MELK: variants seen among roughly 807,000 people sequenced by gnomAD.
MELK encodes pEg3 kinase.
A neutral mutation model predicts 85.0 loss-of-function variants in MELK; 81 were observed. The observed-to-expected ratio is 0.95, with a 90% CI of 0.80 to 1.15. The LOEUF (loss-of-function observed/expected upper bound fraction) is 1.15, where lower values mean the gene tolerates loss of function less well. Among genes scored for constraint, MELK ranks in the 50% most tolerant of loss-of-function variants. The probability of loss-of-function intolerance (pLI) is 0.00; values close to 1 mark genes in which losing one functional copy is unlikely to be tolerated. For missense variants in MELK, 754 were observed against 777.5 expected (o/e 0.97, Z 0.36); for synonymous variants, 252 against 265.0 (o/e 0.95, Z 0.48).
chr9:36,584,522 A>C (rs1587324915), intron 3 of MELK, among the ~76,000 whole-genome samples: 1 of 102,172 alleles, frequency 9.8e-6, no homozygotes. Flanking sequence ...TTTAGTAGGG[A>C]TGGGATTTCA....
rs143326056 is a variant in MELK at position 36,634,138 on chromosome 9, T to C, written c.834+938T>C. On this transcript the variant is annotated intron_variant, in intron 10 of 17. Transcript: ENST00000298048. ...TTCCAAACGTTAACACATTTCGTTA[T>C]ACAACATTAAATCACATTCCTTAAA... 1.1e-3 allele frequency among the ~76,000 whole-genome samples: 168 copies of C among 152,372 alleles called. 1 individual carries two copies. The highest frequency in any genetic ancestry group is 3.8e-3 in the African/African-American group (157 of 41,588).
At chr9:36,606,452 CAT>C (rs1194982252) in intron 7 of MELK, among the ~76,000 whole-genome samples, 2 of 116,384 alleles carry the variant, frequency 1.7e-5, no homozygotes, top group African/African-American at 4.2e-5. Context: ...ATAATATATA[CAT>C]ATGTATAGGT....
At chr9:36,662,482 G>A (rs1831953025) in intron 13 of MELK, among the ~76,000 whole-genome samples, 1 of 152,058 alleles carries the variant, frequency 6.6e-6, no homozygotes, top group Non-Finnish European at 1.5e-5. Flanking sequence ...GACCTCAGGT[G>A]ATCCACCTGC....
chr9:36,594,809 C>T (rs757608252), intron 5 of MELK, 38 bp downstream of exon 5: 47 of 1,576,428 alleles, frequency 3.0e-5, no homozygotes, highest in South Asian at 9.5e-5. Context: ...TCACCTTCAG[C>T]GTCATTTACC....
chr9:36,676,823 C>T (rs142918147), intron 17 of MELK, among the ~76,000 whole-genome samples: 198 of 152,268 alleles, frequency 1.3e-3, no homozygotes, highest in Non-Finnish European at 2.5e-4. Flanking sequence ...CCAATGTTTG[C>T]GGATTACACG....
chr9:36,610,096 G>C (rs944916253), intron 8 of MELK, among the ~76,000 whole-genome samples: 4 of 152,180 alleles, frequency 2.6e-5, no homozygotes, highest in African/African-American at 4.8e-5. Flanking sequence ...ATGAGCAAAG[G>C]CATAGAAGTG....
At chr9:36,608,555 T>A (rs1030966842) in intron 8 of MELK, among the ~76,000 whole-genome samples, 1 of 151,990 alleles carries the variant, frequency 6.6e-6, no homozygotes, top group African/African-American at 2.4e-5. Flanking sequence ...TGAAAACTCA[T>A]TGAGGTGTAC....
At chr9:36,583,781 T>G in intron 3 of MELK, 69 bp downstream of exon 3, 1 of 1,053,974 alleles carries the variant, frequency 9.5e-7, no homozygotes, top group Non-Finnish European at 1.4e-6. Flanking sequence ...CCTGAATTGT[T>G]CTAATGTTCT....
intron 3 of MELK, among the ~76,000 whole-genome samples, chr9:36,586,178 G>A (rs981919536): frequency 6.6e-6 from 1 of 151,546 alleles, no homozygotes; most frequent in Non-Finnish European, 1.5e-5. Context: ...CCTTCTCTAC[G>A]AAAAATACAA....
intron 1 of MELK, among the ~76,000 whole-genome samples, chr9:36,575,948 T>C (rs1821612706): frequency 1.3e-5 from 2 of 152,344 alleles, no homozygotes; most frequent in African/African-American, 2.4e-5. Flanking sequence ...GAGCCTTAGG[T>C]TGACCTCTAT....
chr9:36,610,009 GAGCAGGTCT>G (rs1382163997), intron 8 of MELK, among the ~76,000 whole-genome samples: 1 of 152,084 alleles, frequency 6.6e-6, no homozygotes, highest in Non-Finnish European at 1.5e-5. Flanking sequence ...AGTGAGGTTT[GAGCAGGTCT>G]TTAAAAGAAG....
intron 10 of MELK, among the ~76,000 whole-genome samples, chr9:36,635,300 A>G (rs1265927712): frequency 6.6e-6 from 1 of 151,290 alleles, no homozygotes; most frequent in Admixed American, 6.6e-5. Context: ...TCTCGCTATT[A>G]TCGCCCAGAC....
chr9:36,662,321 G>C (rs542970773), intron 13 of MELK, among the ~76,000 whole-genome samples: 51 of 149,888 alleles, frequency 3.4e-4, no homozygotes, highest in Non-Finnish European at 6.3e-4. Context: ...CAGGCTCACT[G>C]CAACCTCTTC....
chr9:36,605,154 G>A (rs1435625637), intron 7 of MELK, among the ~76,000 whole-genome samples: 1 of 151,954 alleles, frequency 6.6e-6, no homozygotes, highest in Non-Finnish European at 1.5e-5. Context: ...GCTTCCCAAA[G>A]TGTGGATTAC....
intron 11 of MELK, among the ~76,000 whole-genome samples, chr9:36,650,042 C>T (rs113196510): frequency 0.029 from 4,433 of 152,000 alleles, 216 homozygotes; most frequent in African/African-American, 0.1. Flanking sequence ...CTCCCAGATT[C>T]ACGTCATTCT....
intron 3 of MELK, among the ~76,000 whole-genome samples, chr9:36,589,171 C>CA: frequency 6.6e-6 from 1 of 150,710 alleles, no homozygotes. Flanking sequence ...TTTTTTGAAA[C>CA]AGAGTCTTGC....
At chr9:36,640,445 GTTTC>G (rs1336482584) in intron 10 of MELK, among the ~76,000 whole-genome samples, 1 of 148,918 alleles carries the variant, frequency 6.7e-6, no homozygotes, top group Non-Finnish European at 1.5e-5. Flanking sequence ...TTTCTTTTCT[GTTTC>G]TTTTTCTTTT....
chr9:36,664,358 A>G (rs1832134752), intron 13 of MELK, among the ~76,000 whole-genome samples: 2 of 152,114 alleles, frequency 1.3e-5, no homozygotes, highest in South Asian at 2.1e-4. Context: ...TTTGAACTCT[A>G]TGGGAATTAT....
chr9:36,632,926 G>A (rs1173209451), intron 9 of MELK, among the ~76,000 whole-genome samples, 176 bp from the exon 10 acceptor site: 2 of 152,112 alleles, frequency 1.3e-5, no homozygotes, highest in Admixed American at 6.6e-5. Flanking sequence ...TAGTTTTCTT[G>A]CCTCTGTTGC....
Sources: allele counts gnomAD v4.1 joint callset (sites outside exome capture counted in the v4.1 genomes callset), GRCh38; gene constraint gnomAD v4.1.1; transcripts MANE v1.5; gene names NCBI Gene and HGNC (gene_info 2026-07-23, HGNC 2026-07-21).